HMGCLL1: variants seen among roughly 807,000 people sequenced by gnomAD.
HMGCLL1 encodes 3-hydroxymethyl-3-methylglutaryl-CoA lyase, cytoplasmic.
Under a neutral mutation model 39.1 loss-of-function variants are expected in HMGCLL1, and 36 were observed. That is an observed-to-expected ratio of 0.92 (90% CI 0.71 to 1.22). The LOEUF (loss-of-function observed/expected upper bound fraction) is 1.22, where lower values mean the gene tolerates loss of function less well. Ranked by LOEUF, HMGCLL1 falls within the 50% of genes most tolerant of loss-of-function variation. The pLI is 0.00. For missense variants in HMGCLL1, 451 were observed against 416.5 expected, an observed-to-expected ratio of 1.08 and a Z score of -0.72; for synonymous variants, 149 against 144.0, an observed-to-expected ratio of 1.03 and a Z score of -0.25.
the HMGCLL1 span, among the ~76,000 whole-genome samples, chr6:55,588,828 C>G: frequency 1.3e-5 from 2 of 152,108 alleles, no homozygotes; most frequent in African/African-American, 4.8e-5. Context: ...AATTCTTCAA[C>G]ACATACACCC....
the HMGCLL1 span, among the ~76,000 whole-genome samples, chr6:55,666,227 T>G: frequency 6.6e-6 from 1 of 151,706 alleles, no homozygotes; most frequent in Non-Finnish European, 1.5e-5. Context: ...ATGCAAATAA[T>G]TTTATAAATA....
the HMGCLL1 span, among the ~76,000 whole-genome samples, chr6:55,591,362 C>T: frequency 6.6e-6 from 1 of 151,930 alleles, no homozygotes; most frequent in African/African-American, 2.4e-5. Context: ...GTTCTGCCTT[C>T]TTCTAGGGTT....
the HMGCLL1 span, among the ~76,000 whole-genome samples, chr6:55,624,413 C>A: frequency 2.6e-5 from 4 of 152,294 alleles, no homozygotes; most frequent in South Asian, 8.3e-4. Context: ...ATATCTTTTC[C>A]TCCATTCCTG....
At chr6:55,666,750 A>G in the HMGCLL1 span, among the ~76,000 whole-genome samples, 2 of 151,716 alleles carry the variant, frequency 1.3e-5, no homozygotes, top group East Asian at 3.9e-4. Context: ...ATCCTACTGC[A>G]TGGGTAGCAG....
upstream of HMGCLL1, among the ~76,000 whole-genome samples, chr6:55,582,136 G>C (rs1043013544): frequency 2.0e-5 from 3 of 152,160 alleles, no homozygotes; most frequent in African/African-American, 7.2e-5. Flanking sequence ...GTTGGTTCTA[G>C]ATTATCTATG....
the HMGCLL1 span, among the ~76,000 whole-genome samples, chr6:55,584,375 T>A: frequency 1.1e-4 from 16 of 152,158 alleles, no homozygotes; most frequent in Non-Finnish European, 1.6e-4. Flanking sequence ...ATGGTTCTGA[T>A]GTCTTGACTA....
At chr6:55,536,951 T>C (rs1218400430) in intron 3 of HMGCLL1, among the ~76,000 whole-genome samples, 2 of 152,132 alleles carry the variant, frequency 1.3e-5, no homozygotes, top group Admixed American at 6.6e-5. Context: ...AAATATAAGA[T>C]GTAGAGAATT....
At chr6:55,659,697 T>C in the HMGCLL1 span, among the ~76,000 whole-genome samples, 1 of 151,904 alleles carries the variant, frequency 6.6e-6, no homozygotes, top group African/African-American at 2.4e-5. Context: ...CATTTATTTC[T>C]ATCTATCCTG....
chr6:55,518,296 T>C (rs188136980), intron 3 of HMGCLL1, among the ~76,000 whole-genome samples: 1 of 152,020 alleles, frequency 6.6e-6, no homozygotes, highest in African/African-American at 2.4e-5. Context: ...ATTATAAGAG[T>C]TCAGAATGAA....
the HMGCLL1 span, among the ~76,000 whole-genome samples, chr6:55,605,453 T>C: frequency 6.6e-6 from 1 of 152,220 alleles, no homozygotes; most frequent in South Asian, 2.1e-4. Context: ...TTTGCATCTA[T>C]GTTACACATT....
chr6:55,628,593 C>G, the HMGCLL1 span, among the ~76,000 whole-genome samples: 38 of 152,066 alleles, frequency 2.5e-4, no homozygotes, highest in South Asian at 6.2e-4. Flanking sequence ...ACGTCACTCT[C>G]TCCTGGCCTG....
At chr6:55,533,842 CG>C (rs1252812915) in intron 3 of HMGCLL1, among the ~76,000 whole-genome samples, 1 of 135,330 alleles carries the variant, frequency 7.4e-6, no homozygotes, top group African/African-American at 2.7e-5. Context: ...GCCGAGATCG[CG>C]CCACTGCACT....
chr6:55,443,671 T>A (rs1274262365), intron 7 of HMGCLL1, among the ~76,000 whole-genome samples: 1 of 120,856 alleles, frequency 8.3e-6, no homozygotes, highest in Non-Finnish European at 1.7e-5. Context: ...AAATAACCAG[T>A]GAAGCCAAAA....
At chr6:55,599,328 T>G in the HMGCLL1 span, among the ~76,000 whole-genome samples, 14 of 152,136 alleles carry the variant, frequency 9.2e-5, no homozygotes, top group South Asian at 2.1e-4. Context: ...ATTTGTTAAT[T>G]CAATGTTGAA....
chr6:55,537,098 A>ATT (rs35004402), intron 3 of HMGCLL1, among the ~76,000 whole-genome samples: 16 of 151,840 alleles, frequency 1.1e-4, no homozygotes, highest in Admixed American at 5.2e-4. Context: ...ACTTCATAAG[A>ATT]TTTTTTTTCC....
At chr6:55,583,352 C>G (rs943267837), upstream of HMGCLL1, among the ~76,000 whole-genome samples, 10 of 151,958 alleles carry the variant, frequency 6.6e-5, no homozygotes, top group Non-Finnish European at 1.2e-4. Flanking sequence ...CCTCTCCCCC[C>G]ACCCCACAAC....
intron 7 of HMGCLL1, among the ~76,000 whole-genome samples, chr6:55,486,176 T>G (rs1413249537): frequency 6.6e-6 from 1 of 150,890 alleles, no homozygotes; most frequent in African/African-American, 2.4e-5. Context: ...TAATTTAACA[T>G]GTTTCCTCTG....
chr6:55,459,079 C>A (rs766406822), intron 7 of HMGCLL1, among the ~76,000 whole-genome samples: 8 of 152,070 alleles, frequency 5.3e-5, no homozygotes, highest in Non-Finnish European at 1.2e-4. Context: ...CACAGAGCAG[C>A]CTCCTCTCCT....
chr6:55,491,813 T>C (rs1766325134), intron 7 of HMGCLL1, among the ~76,000 whole-genome samples: 1 of 152,126 alleles, frequency 6.6e-6, no homozygotes, highest in African/African-American at 2.4e-5. Context: ...GGATTATAAA[T>C]ATCCCACACT....
Sources: allele counts gnomAD v4.1 joint callset (sites outside exome capture counted in the v4.1 genomes callset), GRCh38; gene constraint gnomAD v4.1.1; transcripts MANE v1.5; gene names NCBI Gene and HGNC (gene_info 2026-07-23, HGNC 2026-07-21).